C19orf25: variants seen among roughly 807,000 people sequenced by gnomAD.
The protein encoded by C19orf25 is chromosome 19 open reading frame 25, also known as UPF0449 protein C19orf25.
A neutral mutation model predicts 3.1 loss-of-function variants in C19orf25; 1 was observed. That is an observed-to-expected ratio of 0.32 (90% CI 0.12 to 1.54). C19orf25 has a LOEUF of 1.54. C19orf25 is among the 40% of genes most tolerant of loss of function. The pLI is 0.38. For synonymous variants in C19orf25, 91 were observed against 74.3 expected, an observed-to-expected ratio of 1.23 and a Z score of -1.16; for missense variants, 196 against 160.4, an observed-to-expected ratio of 1.22 and a Z score of -1.20.
chr19:1,475,285 G>T (rs2145286221), intron 2 of C19orf25, 27 bp from the exon 3 acceptor site: 2 of 1,521,240 alleles, frequency 1.3e-6, no homozygotes, highest in Non-Finnish European at 1.8e-6. Flanking sequence ...CAGCATCACT[G>T]CCTGCTGACC....
intron 2 of C19orf25, chr19:1,476,162 C>A: frequency 2.5e-6 from 1 of 398,680 alleles, no homozygotes; most frequent in Non-Finnish European, 4.4e-6. Flanking sequence ...GAAGCAGCAC[C>A]GACTTCAGGG....
Position 1,475,202 on chromosome 19 carries a change from A to G in C19orf25, c.187T>C (p.Tyr63His). Residue 63 changes from tyrosine (Y) to histidine (H), a missense_variant, in exon 3 of 3, where the codon TAC (tyrosine) becomes CAC (histidine). Physicochemically the swap from Tyr to His is moderately conservative, Grantham distance 83 (BLOSUM62 2). Transcript: ENST00000585675. ...EDAEAPGEQL[Y>H]QQSRAYVAAN... ...GCCACGTAGGCCCGGCTTTGCTGGT[A>G]GAGCTGCTCTCCCGGGGCCTCCGCA... 2 of 1,567,402 alleles carry G rather than the reference A, an allele frequency of 1.3e-6. No homozygotes were observed. The highest frequency in any genetic ancestry group is 2.3e-5 in the South Asian group (2 of 85,258).
chr19:1,473,434 G>C lies in C19orf25; in HGVS notation c.*1598C>G. ...CCGGGGAGGCACTGGCTGAGGCCAG[G>C]AGTCTCCCCCTGGTCCCAAGGGAGG... is the stretch of plus-strand genomic sequence containing the variant. On this transcript the variant is annotated 3_prime_UTR_variant, in exon 3 of 3. Transcript: ENST00000585675. 1 of 152,304 alleles carries C rather than the reference G, an allele frequency of 6.6e-6. No individual in the cohort carries two copies. Among genetic ancestry groups the C allele is most frequent in the Non-Finnish European group, 1.5e-5 (1 of 68,082 alleles). 9.4% of individuals were successfully genotyped at this position (152,304 alleles called of 1,614,324 possible).
At position 1,479,159 on chromosome 19, in the gene C19orf25, C is replaced by G; in HGVS notation, c.-3+4G>C. ...GGTCACCCCAGTCGCCGGCCTCTTC[C>G]CACCTGGGCGCGGGACCCGAAAGCC... On this transcript the variant is annotated splice_donor_region_variant and intron_variant, in intron 1 of 2. Transcript: ENST00000585675. The G allele has an allele frequency of 2.3e-6, 3 of 1,282,390 alleles. No individual in the cohort carries two copies. Among genetic ancestry groups the G allele is most frequent in the Non-Finnish European group, 3.0e-6 (3 of 1,016,130 alleles). 79.4% of individuals were successfully genotyped at this position (1,282,390 alleles called of 1,614,324 possible).
At chr19:1,477,455 C>T (rs1672305042) in intron 2 of C19orf25, among the ~76,000 whole-genome samples, 1 of 152,238 alleles carries the variant, frequency 6.6e-6, no homozygotes. Context: ...ATGAATGAGC[C>T]TCATCCAGAA....
In C19orf25 at chr19:1,474,886, G is replaced by A. The variant is rs950808947; in HGVS notation, c.*146C>T. On this transcript the variant is annotated 3_prime_UTR_variant, in exon 3 of 3. Coordinates refer to ENST00000585675, the MANE Select transcript of C19orf25 (RefSeq NM_152482.3). ...GCATGAATGAGACGACGGATGAACC[G>A]CAGCCCCAGCATCAGGAGGGGCGCC... 1.7e-5 allele frequency: 26 copies of A among 1,506,282 alleles called. No individual in the cohort carries two copies. The highest frequency in any genetic ancestry group is 5.5e-5 in the African/African-American group (4 of 72,218). 93.3% of individuals were successfully genotyped at this position (1,506,282 alleles called of 1,614,324 possible).
At position 1,474,653 on chromosome 19, in the gene C19orf25, C is replaced by G. The variant is rs765859939; in HGVS notation, c.*379G>C. The G allele has an allele frequency of 4.4e-4, 281 of 642,150 alleles. No homozygotes were observed. Among genetic ancestry groups the G allele is most frequent in the Non-Finnish European group, 6.8e-4 (273 of 400,700 alleles). 39.8% of individuals were successfully genotyped at this position (642,150 alleles called of 1,614,324 possible). A position where few individuals can be genotyped will look rare whatever the true frequency, so the allele number is the denominator to read the frequency against. ...CACAGTTAACACCTCGATCCCAACA[C>G]CTGGACTCAGAAGTGGACAGGCGAG... is the stretch of plus-strand genomic sequence containing the variant. On this transcript the variant is annotated 3_prime_UTR_variant, in exon 3 of 3. Coordinates refer to ENST00000585675, the MANE Select transcript of C19orf25 (RefSeq NM_152482.3).
In C19orf25 at chr19:1,478,762, G is replaced by A; in HGVS notation, c.130+12C>T. The A allele has an allele frequency of 4.5e-6, 7 of 1,559,540 alleles. No homozygotes were observed. The highest frequency in any genetic ancestry group is 6.1e-6 in the Non-Finnish European group (7 of 1,152,168). On this transcript the variant is annotated intron_variant, in intron 2 of 2. Transcript: ENST00000585675. Reference sequence around the variant, plus strand: ...TCAGGTCCGCTTTTCCCCGGGACCGGGCTCCCCCTACCTTCCGGGGCCAGG... The same window carrying A: ...TCAGGTCCGCTTTTCCCCGGGACCGAGCTCCCCCTACCTTCCGGGGCCAGG...
intron 2 of C19orf25, chr19:1,478,356 T>G: frequency 3.3e-6 from 1 of 305,036 alleles, no homozygotes. Flanking sequence ...TTCTCCTGCC[T>G]CAGCCTCCCG....
At position 1,474,909 on chromosome 19, in the gene C19orf25, G is replaced by T; in HGVS notation, c.*123C>A. On this transcript the variant is annotated 3_prime_UTR_variant, in exon 3 of 3. Coordinates refer to ENST00000585675, the MANE Select transcript of C19orf25 (RefSeq NM_152482.3). The stretch of plus-strand genomic sequence containing the variant: ...CCGCAGCCCCAGCATCAGGAGGGGC[G>T]CCTGTGTCAACACCCACGTGGGCTG... 1 of 1,521,818 alleles carries T rather than the reference G, an allele frequency of 6.6e-7. No homozygotes were observed. Among genetic ancestry groups the T allele is most frequent in the Non-Finnish European group, 8.8e-7 (1 of 1,136,280 alleles). The allele number at this position is 1,521,818 out of a possible 1,614,324, so 94.3% of individuals were successfully genotyped here.
At chr19:1,478,412 G>GT (rs2084228145) in intron 2 of C19orf25, 7 of 450,394 alleles carry the variant, frequency 1.6e-5, no homozygotes, top group Non-Finnish European at 2.6e-5. Flanking sequence ...AGCTAACTCT[G>GT]TTTTGTTTTT....
chr19:1,477,980 C>T (rs2084222961), intron 2 of C19orf25, among the ~76,000 whole-genome samples: 1 of 152,158 alleles, frequency 6.6e-6, no homozygotes, highest in South Asian at 2.1e-4. Flanking sequence ...GCTGGGATTA[C>T]AGGCCCATGC....
At chr19:1,477,222 G>A (rs926189418) in intron 2 of C19orf25, among the ~76,000 whole-genome samples, 1 of 151,998 alleles carries the variant, frequency 6.6e-6, no homozygotes, top group Non-Finnish European at 1.5e-5. Flanking sequence ...GGGTGGCCTT[G>A]AACTCCTGAC....
In C19orf25 at chr19:1,474,656, G is replaced by A. The variant is rs1257845194; in HGVS notation, c.*376C>T. Reference sequence around the variant, plus strand: ...AGTTAACACCTCGATCCCAACACCTGGACTCAGAAGTGGACAGGCGAGTGC... The same window carrying A: ...AGTTAACACCTCGATCCCAACACCTAGACTCAGAAGTGGACAGGCGAGTGC... On this transcript the variant is annotated 3_prime_UTR_variant, in exon 3 of 3. Coordinates refer to ENST00000585675, the MANE Select transcript of C19orf25 (RefSeq NM_152482.3). 1.5e-6 allele frequency: 1 copy of A among 648,404 alleles called. No homozygotes were observed. The highest frequency in any genetic ancestry group is 2.5e-6 in the Non-Finnish European group (1 of 406,062). The allele number at this position is 648,404 out of a possible 1,614,324, so 40.2% of individuals were successfully genotyped here.
rs758736085 is a variant in C19orf25, at chr19:1,474,922, C to A, written c.*110G>T. 3.3e-6 allele frequency: 5 copies of A among 1,525,856 alleles called. No individual in the cohort carries two copies. In the East Asian group the frequency reaches 1.2e-4, roughly 38 times the overall value. 94.5% of individuals were successfully genotyped at this position (1,525,856 alleles called of 1,614,324 possible). On this transcript the variant is annotated 3_prime_UTR_variant, in exon 3 of 3. Transcript: ENST00000585675. Reference sequence around the variant, plus strand: ...ATCAGGAGGGGCGCCTGTGTCAACACCCACGTGGGCTGGGACCCCGTGAAT... The same window carrying A: ...ATCAGGAGGGGCGCCTGTGTCAACAACCACGTGGGCTGGGACCCCGTGAAT...
chr19:1,479,020 GCCC>G, intron 1 of C19orf25, 115 bp from the exon 2 acceptor site: 2 of 1,396,730 alleles, frequency 1.4e-6, no homozygotes, highest in Non-Finnish European at 1.9e-6. Context: ...TCCCGGGGAA[GCCC>G]GCCCTGTCCC....
At chr19:1,478,423 GTTTT>G in intron 2 of C19orf25, 3 of 481,904 alleles carry the variant, frequency 6.2e-6, no homozygotes, top group Middle Eastern at 5.6e-4. Flanking sequence ...TTTTGTTTTT[GTTTT>G]TGTTTTTGTT....
At chr19:1,478,930 A>G (rs1200326830) in intron 1 of C19orf25, 25 bp from the exon 2 acceptor site, 1 of 1,570,510 alleles carries the variant, frequency 6.4e-7, no homozygotes, top group Non-Finnish European at 8.6e-7. Context: ...GGGGGCGCTG[A>G]CCGGGGCGTC....
In C19orf25 at chr19:1,475,047, A is replaced by C; in HGVS notation, c.342T>G (p.Ala114=). The stretch of plus-strand genomic sequence containing the variant: ...CCCCGAGAGGTCAGCCTGAGGAGGC[A>C]GCCTCGGCTGCCGGTAATGCTGCCT... ...MKQAALPAAE[A]ASSG The change falls in exon 3 of 3, where the codon GCT becomes GCG. Residue 114 remains alanine (A), a synonymous_variant. Coordinates refer to ENST00000585675, the MANE Select transcript of C19orf25 (RefSeq NM_152482.3). 6.3e-7 allele frequency: 1 copy of C among 1,593,830 alleles called. No individual in the cohort carries two copies. Among genetic ancestry groups the C allele is most frequent in the Non-Finnish European group, 8.5e-7 (1 of 1,172,592 alleles).
Sources: gnomAD v4.1 joint callset for allele counts (sites outside exome capture counted in the v4.1 genomes callset) on GRCh38, gnomAD v4.1.1 for gene constraint, MANE v1.5 for transcripts, NCBI Gene and HGNC (gene_info 2026-07-23, HGNC 2026-07-21) for gene names.